The following HDAC4 variants were observed in gnomAD, a reference collection of about 807,000 sequenced individuals.
The protein encoded by HDAC4 is histone deacetylase A.
A neutral mutation model predicts 135.1 loss-of-function variants in HDAC4; 16 were observed. That is an observed-to-expected ratio of 0.12 (90% confidence interval 0.08 to 0.18). The LOEUF (loss-of-function observed/expected upper bound fraction) is 0.18. HDAC4 is among the 10% of genes least tolerant of loss of function. HDAC4 has a pLI of 1.00. For missense variants in HDAC4, 1,143 were observed against 1,511.8 expected (o/e 0.76, Z 4.05); for synonymous variants, 685 against 653.4 (o/e 1.05, Z -0.74).
At chr2:239,368,708 G>A (rs1272579997) in intron 1 of HDAC4, among the ~76,000 whole-genome samples, 1 of 152,090 alleles carries the variant, frequency 6.6e-6, no homozygotes, top group African/African-American at 2.4e-5. Flanking sequence ...CAGGTGAGGT[G>A]GGAGACCTGG....
intron 1 of HDAC4, among the ~76,000 whole-genome samples, chr2:239,370,574 G>T (rs1290065854): frequency 6.6e-6 from 1 of 152,210 alleles, no homozygotes; most frequent in Non-Finnish European, 1.5e-5. Flanking sequence ...AGCATGTCTG[G>T]TGTTTTTCAG....
Position 239,134,229 on chromosome 2 carries a change from G to A in HDAC4, c.1294+16C>T, listed in dbSNP as rs762733046. On this transcript the variant is annotated intron_variant, in intron 11 of 26. Coordinates refer to ENST00000543185, the MANE Select transcript of HDAC4 (RefSeq NM_001378414.1). The stretch of plus-strand genomic sequence containing the variant: ...AGCCTCAGAGCCTGGCTGCACCCAG[G>A]CCCATTTGTGCTCACCTGTGACGAG... 1 of 1,603,574 alleles carries A rather than the reference G, an allele frequency of 6.2e-7. No homozygotes were observed. Among genetic ancestry groups the A allele is most frequent in the Non-Finnish European group, 8.5e-7 (1 of 1,176,544 alleles).
At chr2:239,329,423 G>A (rs1040791008) in intron 2 of HDAC4, among the ~76,000 whole-genome samples, 1 of 152,176 alleles carries the variant, frequency 6.6e-6, no homozygotes, top group Non-Finnish European at 1.5e-5. Context: ...CACAGCCTCT[G>A]CAGCAGCAGC....
At position 239,049,730 on chromosome 2, in the gene HDAC4, T is replaced by A. The variant is rs2030534200; in HGVS notation, c.*3367A>T. ...GAAAAACTGAAACACCTTGACAAAGTGGCCCTCCAGAACCAGAGCCCTGGG... is the reference window on the plus strand; with the variant it reads ...GAAAAACTGAAACACCTTGACAAAGAGGCCCTCCAGAACCAGAGCCCTGGG... On this transcript the variant is annotated 3_prime_UTR_variant, in exon 27 of 27. Coordinates refer to ENST00000543185, the MANE Select transcript of HDAC4 (RefSeq NM_001378414.1). The A allele has an allele frequency of 1.3e-5, 2 of 152,270 alleles. No individual in the cohort carries two copies. Among genetic ancestry groups the A allele is most frequent in the Non-Finnish European group, 2.9e-5 (2 of 68,028 alleles). The allele number at this position is 152,270 out of a possible 1,614,324, so 9.4% of individuals were successfully genotyped here.
At chr2:239,191,598 G>A (rs1348405088) in intron 3 of HDAC4, among the ~76,000 whole-genome samples, 1 of 152,246 alleles carries the variant, frequency 6.6e-6, no homozygotes, top group Non-Finnish European at 1.5e-5. Context: ...CCTGGGCACT[G>A]GCCGGAGCTT....
chr2:239,367,731 TA>T (rs1694314132), intron 1 of HDAC4, among the ~76,000 whole-genome samples: 1 of 152,192 alleles, frequency 6.6e-6, no homozygotes, highest in Non-Finnish European at 1.5e-5. Flanking sequence ...TGGCTCACAC[TA>T]ATCTCAGCAC....
chr2:239,054,715 G>T, intron 25 of HDAC4, 34 bp downstream of exon 25: 1 of 1,360,744 alleles, frequency 7.3e-7, no homozygotes, highest in Non-Finnish European at 1.1e-6. Context: ...CCCCAGGGGC[G>T]TGTCCCCTGT....
At position 239,059,961 on chromosome 2, in the gene HDAC4, TC is replaced by T. The variant is rs1405572079; in HGVS notation, c.3004-5129del. On this transcript the variant is annotated intron_variant, in intron 24 of 26. Transcript: ENST00000543185. ...CCGGGGGCCCTTGGATCCACCCACG[TC>T]CGTCACACTCGTAGTTCTCGAGAGT... Among the ~76,000 whole-genome samples, 6 of 152,282 alleles carry T rather than the reference TC, an allele frequency of 3.9e-5. No homozygotes were observed. The East Asian group carries it at 1.2e-3, about 29-fold the overall frequency.
At chr2:239,241,409 C>T (rs555349721) in intron 2 of HDAC4, among the ~76,000 whole-genome samples, 49 of 152,320 alleles carry the variant, frequency 3.2e-4, no homozygotes, top group African/African-American at 1.1e-3. Context: ...CATCTTCTTA[C>T]ATGTTTATTG....
At chr2:239,209,270 A>G (rs191332229) in intron 3 of HDAC4, among the ~76,000 whole-genome samples, 1 of 152,362 alleles carries the variant, frequency 6.6e-6, no homozygotes, top group Admixed American at 6.5e-5. Context: ...AAAGATAGTG[A>G]TTCTCTCCAA....
rs2052774062 is a variant in HDAC4 at position 239,309,600 on chromosome 2, C to A, written c.22+43078G>T. 6.6e-6 allele frequency among the ~76,000 whole-genome samples: 1 copy of A among 152,364 alleles called. No homozygotes were observed. Among genetic ancestry groups the A allele is most frequent in the Non-Finnish European group, 1.5e-5 (1 of 68,030 alleles). On this transcript the variant is annotated intron_variant, in intron 2 of 26. Transcript: ENST00000543185. This position sits in a 1 kb window ranked among gnomAD's most constrained non-coding sequence, Gnocchi z 4.2. Reference sequence around the variant, plus strand: ...TGGCGGGAGGCTCTGGCCTTGCAGGCGTGCAGGAGCCCCTGCCAGTGAGGG... The same window carrying A: ...TGGCGGGAGGCTCTGGCCTTGCAGGAGTGCAGGAGCCCCTGCCAGTGAGGG...
intron 11 of HDAC4, among the ~76,000 whole-genome samples, chr2:239,132,863 G>A (rs757674730): frequency 1.8e-4 from 28 of 152,178 alleles, no homozygotes; most frequent in Admixed American, 3.9e-4. Flanking sequence ...AAAGACAGGC[G>A]AGAAACTCAG....
At chr2:239,140,018 T>C (rs1017829405) in intron 8 of HDAC4, among the ~76,000 whole-genome samples, 1 of 152,240 alleles carries the variant, frequency 6.6e-6, no homozygotes, top group Non-Finnish European at 1.5e-5. Context: ...CTAGGACATG[T>C]ACGTTACCAA....
chr2:239,178,479 C>G (rs2043917759), intron 4 of HDAC4, among the ~76,000 whole-genome samples: 1 of 152,186 alleles, frequency 6.6e-6, no homozygotes, highest in Non-Finnish European at 1.5e-5. Flanking sequence ...AACTCCTGGG[C>G]TCAAGCCATT....
At chr2:239,211,583 T>C (rs1260325302) in intron 3 of HDAC4, among the ~76,000 whole-genome samples, 4 of 152,232 alleles carry the variant, frequency 2.6e-5, no homozygotes, top group East Asian at 3.8e-4. Context: ...ACTTGAATGA[T>C]ATGGTTGCCA....
At chr2:239,373,475 T>TTG (rs1179767942) in intron 1 of HDAC4, among the ~76,000 whole-genome samples, 11 of 92,208 alleles carry the variant, frequency 1.2e-4, no homozygotes, top group Admixed American at 1.0e-3. Context: ...GTTGTTGTTG[T>TTG]TTGTTTGTTT....
At chr2:239,224,352 C>T (rs1251741235) in intron 3 of HDAC4, among the ~76,000 whole-genome samples, 3 of 152,244 alleles carry the variant, frequency 2.0e-5, no homozygotes, top group African/African-American at 7.2e-5. Context: ...CACGTGGCCA[C>T]TGCATTCTCT....
chr2:239,302,796 A>G (rs1430688770), intron 2 of HDAC4, among the ~76,000 whole-genome samples: 1 of 152,188 alleles, frequency 6.6e-6, no homozygotes, highest in East Asian at 1.9e-4. Flanking sequence ...TCATCTAAGA[A>G]CTGCTCACTC....
At chr2:239,149,113 TA>T (rs759632904) in intron 7 of HDAC4, among the ~76,000 whole-genome samples, 1 of 152,102 alleles carries the variant, frequency 6.6e-6, no homozygotes. Flanking sequence ...AATAAAAAGA[TA>T]ATTCTGGCCG....
Sources: allele counts gnomAD v4.1 joint callset (sites outside exome capture counted in the v4.1 genomes callset), GRCh38; gene constraint gnomAD v4.1.1; non-coding constraint Gnocchi (gnomAD v3.1); transcripts MANE v1.5; gene names NCBI Gene and HGNC (gene_info 2026-07-23, HGNC 2026-07-21).